Variants in RAP1GAP2 observed in about 807,000 individuals in gnomAD.
The protein encoded by RAP1GAP2 is rap1 GTPase-activating protein 2.
RAP1GAP2 carries 27 observed loss-of-function variants against 95.0 expected under a neutral mutation model. The ratio of observed to expected loss-of-function variants is 0.28; its 90% CI spans 0.21 to 0.39. The LOEUF is 0.39. Ranked by LOEUF, RAP1GAP2 falls within the 10% of genes least tolerant of loss-of-function variation. The pLI is 1.00. For synonymous variants in RAP1GAP2, 373 were observed against 380.9 expected (o/e 0.98, Z 0.24); for missense variants, 771 against 970.0 (o/e 0.79, Z 2.72).
intron 2 of RAP1GAP2, among the ~76,000 whole-genome samples, chr17:2,828,730 C>T (rs906183626): frequency 6.6e-6 from 1 of 152,136 alleles, no homozygotes; most frequent in African/African-American, 2.4e-5. Context: ...CCTCCACCCT[C>T]TGGGGAGATA....
At chr17:2,786,350 C>CCCT (rs1380439526) in intron 1 of RAP1GAP2, among the ~76,000 whole-genome samples, 1 of 152,234 alleles carries the variant, frequency 6.6e-6, no homozygotes, top group Non-Finnish European at 1.5e-5. Flanking sequence ...GAGGATTTCC[C>CCCT]CCTCCCTTCA....
upstream of RAP1GAP2, among the ~76,000 whole-genome samples, chr17:2,795,800 G>A (rs1003925277): frequency 6.6e-6 from 1 of 152,196 alleles, no homozygotes. Flanking sequence ...GTGAAGTGGT[G>A]TGTGGATGTG....
At chr17:2,927,374 C>G (rs370454344) in intron 3 of RAP1GAP2, among the ~76,000 whole-genome samples, 22 of 151,746 alleles carry the variant, frequency 1.4e-4, no homozygotes, top group East Asian at 7.9e-4. Flanking sequence ...AGGATGGTCT[C>G]GATCTCCTGA....
intron 8 of RAP1GAP2, among the ~76,000 whole-genome samples, chr17:2,966,354 A>G (rs2044599485): frequency 6.6e-6 from 1 of 152,236 alleles, no homozygotes; most frequent in Non-Finnish European, 1.5e-5. Flanking sequence ...CAATATGCAC[A>G]GGTTGCTATG....
chr17:2,951,635 T>C (rs990982591), intron 3 of RAP1GAP2, among the ~76,000 whole-genome samples: 4 of 152,094 alleles, frequency 2.6e-5, no homozygotes, highest in Non-Finnish European at 5.9e-5. Flanking sequence ...GGAGGATCGC[T>C]TGAGGCCAGG....
rs142805023 is a variant in RAP1GAP2, at chr17:2,999,432, C to T, written c.1200+1056C>T. On this transcript the variant is annotated intron_variant, in intron 14 of 24. Transcript: ENST00000254695. Reference sequence around the variant, plus strand: ...AAAGAGAGGCCATACCTTAAATTCTCAAAGCGCTCCCTGCTCCGCAAAATA... The same window carrying T: ...AAAGAGAGGCCATACCTTAAATTCTTAAAGCGCTCCCTGCTCCGCAAAATA... 1.2e-3 allele frequency among the ~76,000 whole-genome samples: 188 copies of T among 152,298 alleles called. 1 individual carries two copies. The highest frequency in any genetic ancestry group is 4.1e-3 in the African/African-American group (169 of 41,566).
intron 2 of RAP1GAP2, among the ~76,000 whole-genome samples, chr17:2,822,028 A>C (rs1420949861): frequency 6.6e-6 from 1 of 152,106 alleles, no homozygotes; most frequent in Non-Finnish European, 1.5e-5. Context: ...GAGGAGGAGG[A>C]GGCGGCAAGC....
In RAP1GAP2 at chr17:3,018,215, C is replaced by T. The variant is rs1206133144; in HGVS notation, c.1632+17C>T. ...ACCTTCTCGGTGAGTGCTGGCAGGC[C>T]CCGGGGCGGCAAGTGGGTCCCAGGG... On this transcript the variant is annotated intron_variant, in intron 18 of 24. Transcript: ENST00000254695. 15 of 1,546,776 alleles carry T rather than the reference C, an allele frequency of 9.7e-6. No individual in the cohort carries two copies. Among genetic ancestry groups the T allele is most frequent in the Non-Finnish European group, 1.3e-5 (15 of 1,147,824 alleles).
chr17:2,984,931 T>A (rs1177413238), intron 10 of RAP1GAP2, 52 bp from the exon 11 acceptor site: 1 of 1,601,780 alleles, frequency 6.2e-7, no homozygotes, highest in African/African-American at 1.3e-5. Flanking sequence ...CTTCCTCACT[T>A]GCTTCCAAAT....
intron 2 of RAP1GAP2, among the ~76,000 whole-genome samples, chr17:2,803,605 G>A (rs1038340612): frequency 2.6e-5 from 4 of 152,246 alleles, no homozygotes; most frequent in African/African-American, 7.2e-5. Flanking sequence ...GCGGCCAGGC[G>A]CGATGGCTCA....
chr17:3,017,905 G>T (rs1461511621), intron 17 of RAP1GAP2, among the ~76,000 whole-genome samples, 156 bp from the exon 18 acceptor site: 1 of 148,474 alleles, frequency 6.7e-6, no homozygotes, highest in Admixed American at 6.9e-5. Flanking sequence ...ACTAGTATGG[G>T]CCTCTGTGAC....
rs1419430261 is a variant in RAP1GAP2, at chr17:2,817,633, G to T, written c.80+17083G>T. 2.2e-4 allele frequency among the ~76,000 whole-genome samples: 26 copies of T among 116,816 alleles called. 5 individuals carry two copies. Among genetic ancestry groups the T allele is most frequent in the African/African-American group, 7.4e-4 (26 of 35,156 alleles). 76.6% of individuals were successfully genotyped at this position (116,816 alleles called of 152,430 possible). On this transcript the variant is annotated intron_variant, in intron 2 of 24. Coordinates refer to ENST00000254695, the MANE Select transcript of RAP1GAP2 (RefSeq NM_015085.5). ...CCTCCCTGGTTCAAGTGATTCTCCT[G>T]CCTCAGCCTCCCAAGTAGCTGGGAT...
chr17:2,801,416 A>G (rs1214707457), intron 2 of RAP1GAP2, among the ~76,000 whole-genome samples: 1 of 150,372 alleles, frequency 6.7e-6, no homozygotes, highest in African/African-American at 2.4e-5. Flanking sequence ...TGGAGGTTGC[A>G]TTGAGCCGAG....
At chr17:2,989,082 AAAAAC>A (rs2045660964) in intron 11 of RAP1GAP2, among the ~76,000 whole-genome samples, 1 of 89,630 alleles carries the variant, frequency 1.1e-5, no homozygotes, top group African/African-American at 5.2e-5. Context: ...CTCAAAAAAC[AAAAAC>A]AAAACAAAAA....
At chr17:2,980,571 C>A (rs2045319238) in intron 9 of RAP1GAP2, among the ~76,000 whole-genome samples, 1 of 152,186 alleles carries the variant, frequency 6.6e-6, no homozygotes, top group Admixed American at 6.5e-5. Flanking sequence ...CATAGCTCAT[C>A]CTTGTTGCCG....
chr17:2,798,068 C>A (rs750391476), intron 1 of RAP1GAP2, among the ~76,000 whole-genome samples: 1 of 152,200 alleles, frequency 6.6e-6, no homozygotes. Context: ...TGAATCTGGG[C>A]AGGTGAGGGG....
At chr17:2,920,198 T>C (rs1484300787) in intron 3 of RAP1GAP2, among the ~76,000 whole-genome samples, 1 of 152,128 alleles carries the variant, frequency 6.6e-6, no homozygotes, top group African/African-American at 2.4e-5. Context: ...TTTTAATTCG[T>C]AGAAGCAGGG....
intron 1 of RAP1GAP2, among the ~76,000 whole-genome samples, chr17:2,769,011 G>A (rs2068332230): frequency 6.6e-6 from 1 of 151,698 alleles, no homozygotes; most frequent in Non-Finnish European, 1.5e-5. Context: ...AAGATCGCTT[G>A]AGGCCAGGAG....
At chr17:2,947,628 C>T (rs1206275653) in intron 3 of RAP1GAP2, among the ~76,000 whole-genome samples, 1 of 152,114 alleles carries the variant, frequency 6.6e-6, no homozygotes, top group Non-Finnish European at 1.5e-5. Flanking sequence ...AGAGCTCTGC[C>T]CTCGAGGACC....
Sources: gnomAD v4.1 joint callset for allele counts (sites outside exome capture counted in the v4.1 genomes callset) on GRCh38, gnomAD v4.1.1 for gene constraint, MANE v1.5 for transcripts, NCBI Gene and HGNC (gene_info 2026-07-23, HGNC 2026-07-21) for gene names.